Variants in COL16A1 observed in about 807,000 individuals in gnomAD.
COL16A1 encodes collagen alpha-1(XVI) chain.
In COL16A1, 189 loss-of-function variants were observed where a neutral mutation model predicts 266.3. That is an observed-to-expected ratio of 0.71 (90% CI 0.63 to 0.80). COL16A1 has a LOEUF of 0.80. Ranked by LOEUF, COL16A1 falls within the 30% of genes least tolerant of loss-of-function variation. The pLI is 0.00. For synonymous variants in COL16A1, 740 were observed against 782.3 expected, an observed-to-expected ratio of 0.95 and a Z score of 0.90; for missense variants, 1,928 against 2,122.4, an observed-to-expected ratio of 0.91 and a Z score of 1.80.
chr1:31,685,889 G>T lies in COL16A1; in HGVS notation c.1885-119C>A. ...TGACACTGCACCTCTGCTGGGTGAG[G>T]GGTTATCTTGGGAAAGATGAAGGGA... On this transcript the variant is annotated intron_variant, in intron 28 of 70. Transcript: ENST00000373672. This position sits in a 1 kb window ranked among gnomAD's most constrained non-coding sequence, Gnocchi z 4.0. The T allele has an allele frequency of 6.6e-7, 1 of 1,521,892 alleles. No individual in the cohort carries two copies. Among genetic ancestry groups the T allele is most frequent in the South Asian group, 1.3e-5 (1 of 79,496 alleles). 94.3% of individuals were successfully genotyped at this position (1,521,892 alleles called of 1,614,324 possible). A position where few individuals can be genotyped will look rare whatever the true frequency, so the allele number is the denominator to read the frequency against.
chr1:31,654,135 A>G, intron 68 of COL16A1, 92 bp from the exon 69 acceptor site: 1 of 1,502,980 alleles, frequency 6.7e-7, no homozygotes, highest in South Asian at 1.3e-5. Context: ...ACCAGCATGA[A>G]GTCCACAGCA....
At chr1:31,677,162 C>T (rs540263455) in intron 42 of COL16A1, among the ~76,000 whole-genome samples, 42 of 152,316 alleles carry the variant, frequency 2.8e-4, no homozygotes, top group African/African-American at 9.4e-4. Flanking sequence ...CTCAGCTCAT[C>T]GAAACCTCCG....
At position 31,697,554 on chromosome 1, in the gene COL16A1, G is replaced by C. The variant is rs1644551848; in HGVS notation, c.658-254C>G. Among the ~76,000 whole-genome samples, 1 of 152,200 alleles carries C rather than the reference G, an allele frequency of 6.6e-6. No individual in the cohort carries two copies. The highest frequency in any genetic ancestry group is 1.5e-5 in the Non-Finnish European group (1 of 68,034). ...CATGCTGGGCTTTGAAGGGCTGGTA[G>C]CTACTCAGCGGATGAGTATGCAAGG... On this transcript the variant is annotated intron_variant, in intron 6 of 70. Transcript: ENST00000373672. This position sits in a 1 kb window ranked among gnomAD's most constrained non-coding sequence, Gnocchi z 4.2.
At chr1:31,653,436 ACAGG>A (rs1456157113) in intron 70 of COL16A1, 159 bp downstream of exon 70, 1 of 830,444 alleles carries the variant, frequency 1.2e-6, no homozygotes, top group East Asian at 2.8e-5. Context: ...CCACATCCCC[ACAGG>A]CCCTGGCAGA....
chr1:31,658,814 A>T (rs902704513), intron 63 of COL16A1, 100 bp downstream of exon 63: 115 of 1,385,534 alleles, frequency 8.3e-5, no homozygotes, highest in Non-Finnish European at 1.1e-4. Flanking sequence ...AGGGGATGAG[A>T]CAAACTGTTC....
chr1:31,672,377 C>T, intron 47 of COL16A1, 39 bp downstream of exon 47: 2 of 1,611,676 alleles, frequency 1.2e-6, no homozygotes, highest in Non-Finnish European at 1.7e-6. Flanking sequence ...AGACAGGGCC[C>T]CAGCTCCCTT....
At chr1:31,700,582 A>G (rs1358732157) in intron 2 of COL16A1, among the ~76,000 whole-genome samples, 1 of 152,220 alleles carries the variant, frequency 6.6e-6, no homozygotes, top group African/African-American at 2.4e-5. Flanking sequence ...AATCATGCAC[A>G]TTGTGTGTTA....
Position 31,652,508 on chromosome 1 carries a change from T to A in COL16A1, c.*143A>T, listed in dbSNP as rs1640711923. The A allele has an allele frequency of 6.7e-6, 7 of 1,037,746 alleles. No individual in the cohort carries two copies. In the South Asian group the frequency reaches 1.9e-4, roughly 28 times the overall value. The allele number at this position is 1,037,746 out of a possible 1,614,324, so 64.3% of individuals were successfully genotyped here. ...GGAAGGGAAAGGGCAGATAGTTTTG[T>A]TTCTTTATTATTTAAAAAATATTAA... On this transcript the variant is annotated 3_prime_UTR_variant, in exon 71 of 71. Transcript: ENST00000373672. The surrounding 1 kb of genome is among the most constrained non-coding windows in gnomAD (Gnocchi z 4.8).
chr1:31,697,501 G>C lies in COL16A1; in HGVS notation c.658-201C>G, dbSNP rs756958107. 1.3e-5 allele frequency among the ~76,000 whole-genome samples: 2 copies of C among 152,216 alleles called. No homozygotes were observed. Among genetic ancestry groups the C allele is most frequent in the Non-Finnish European group, 2.9e-5 (2 of 68,042 alleles). Reference sequence around the variant, plus strand: ...ACAGGAACGAGGGAGAGGAGGCCCAGAGGAACAAAAGAGGAGGAGGTTCCA... The same window carrying C: ...ACAGGAACGAGGGAGAGGAGGCCCACAGGAACAAAAGAGGAGGAGGTTCCA... On this transcript the variant is annotated intron_variant, in intron 6 of 70. Transcript: ENST00000373672. This position sits in a 1 kb window ranked among gnomAD's most constrained non-coding sequence, Gnocchi z 4.2.
intron 42 of COL16A1, 174 bp downstream of exon 42, chr1:31,679,458 G>A (rs1019815658): frequency 1.2e-6 from 2 of 1,607,220 alleles, no homozygotes; most frequent in South Asian, 1.1e-5. Context: ...GCCTGGCCTA[G>A]AGGCTCAGTG....
chr1:31,662,982 A>C, intron 56 of COL16A1: 2 of 421,918 alleles, frequency 4.7e-6, no homozygotes, highest in Non-Finnish European at 4.3e-6. Flanking sequence ...GCTTCAATCC[A>C]CTGTGAAAGC....
intron 42 of COL16A1, among the ~76,000 whole-genome samples, chr1:31,677,072 A>G (rs1643249625): frequency 7.4e-6 from 1 of 135,064 alleles, no homozygotes; most frequent in Admixed American, 7.8e-5. Context: ...CATGTCAATT[A>G]TTATTTTTTA....
intron 12 of COL16A1, 22 bp from the exon 13 acceptor site, chr1:31,693,176 A>C (rs779553917): frequency 6.5e-7 from 1 of 1,548,582 alleles, no homozygotes; most frequent in Non-Finnish European, 8.9e-7. Flanking sequence ...ACCAGAATGG[A>C]AGATAGGACC....
chr1:31,672,593 C>T lies in COL16A1; in HGVS notation c.3018+3G>A. The T allele has an allele frequency of 1.9e-6, 3 of 1,607,272 alleles. No homozygotes were observed. Among genetic ancestry groups the T allele is most frequent in the Non-Finnish European group, 2.6e-6 (3 of 1,175,522 alleles). On this transcript the variant is annotated splice_donor_region_variant and intron_variant, in intron 46 of 70. Transcript: ENST00000373672. ...ATCGGGGGAGATAAGGCGAGGCACT[C>T]ACCCGGGCCTCCTCGGCTCTTGGGC...
At position 31,688,209 on chromosome 1, in the gene COL16A1, T is replaced by C. The variant is rs1431965224; in HGVS notation, c.1803+258A>G. Among the ~76,000 whole-genome samples the C allele has an allele frequency of 6.6e-6, 1 of 152,186 alleles. No individual in the cohort carries two copies. Among genetic ancestry groups the C allele is most frequent in the South Asian group, 2.1e-4 (1 of 4,832 alleles). On this transcript the variant is annotated intron_variant, in intron 26 of 70. Transcript: ENST00000373672. This position sits in a 1 kb window ranked among gnomAD's most constrained non-coding sequence, Gnocchi z 4.9. ...AAAGAAGTGTTACATATTATAAATA[T>C]AATAAGGTAATCTTGAATGTGCTTA...
Position 31,698,313 on chromosome 1 carries a change from G to C in COL16A1, c.391-141C>G, listed in dbSNP as rs2148828611. ...GAAGAAAGCCGGCTGGGGTCAAGGA[G>C]CTATACATCCTGAAAGAATGAGGTA... is the stretch of plus-strand genomic sequence containing the variant. On this transcript the variant is annotated intron_variant, in intron 5 of 70. Transcript: ENST00000373672. This position sits in a 1 kb window ranked among gnomAD's most constrained non-coding sequence, Gnocchi z 4.1. The C allele has an allele frequency of 1.3e-6, 2 of 1,534,022 alleles. No individual in the cohort carries two copies. The highest frequency in any genetic ancestry group is 2.6e-5 in the South Asian group (2 of 77,086).
intron 52 of COL16A1, 142 bp downstream of exon 52, chr1:31,667,433 C>T: frequency 1.5e-6 from 1 of 680,946 alleles, no homozygotes; most frequent in Non-Finnish European, 2.4e-6. Context: ...TCCACAGCAC[C>T]CAGCCTGTGC....
At chr1:31,683,150 T>C (rs1643766408) in intron 36 of COL16A1, 44 bp downstream of exon 36, 1 of 1,613,602 alleles carries the variant, frequency 6.2e-7, no homozygotes, top group African/African-American at 1.3e-5. Context: ...TCTGGGACAC[T>C]CTGGAATACT....
chr1:31,674,242 CTG>C (rs2148722162), intron 44 of COL16A1, among the ~76,000 whole-genome samples: 1 of 152,244 alleles, frequency 6.6e-6, no homozygotes, highest in South Asian at 2.1e-4. Flanking sequence ...AGGGGGGGCT[CTG>C]GAGGCCAACA....
Sources: allele counts gnomAD v4.1 joint callset (sites outside exome capture counted in the v4.1 genomes callset), GRCh38; gene constraint gnomAD v4.1.1; non-coding constraint Gnocchi (gnomAD v3.1); transcripts MANE v1.5; gene names NCBI Gene and HGNC (gene_info 2026-07-23, HGNC 2026-07-21).